The following CLASP1 variants were observed in gnomAD, a reference collection of about 807,000 sequenced individuals.
CLASP1 encodes cytoplasmic linker associated protein 1, also known as CLIP-associating protein 1.
Under a neutral mutation model 192.3 loss-of-function variants are expected in CLASP1, and 38 were observed. The ratio of observed to expected loss-of-function variants is 0.20; its 90% confidence interval spans 0.15 to 0.26. The LOEUF (loss-of-function observed/expected upper bound fraction) is 0.26. Ranked by LOEUF, CLASP1 falls within the 10% of genes least tolerant of loss-of-function variation. The probability of loss-of-function intolerance (pLI) is 1.00; values close to 1 mark genes in which losing one functional copy is unlikely to be tolerated. For missense variants in CLASP1, 1,433 were observed against 1,932.5 expected (o/e 0.74, Z 4.85); for synonymous variants, 691 against 712.8 (o/e 0.97, Z 0.49).
chr2:121,516,129 C>G (rs2094285455), intron 6 of CLASP1, among the ~76,000 whole-genome samples: 1 of 152,082 alleles, frequency 6.6e-6, no homozygotes, highest in Admixed American at 6.5e-5. Flanking sequence ...CCATGTAAAA[C>G]ACTCTGGATT....
chr2:121,533,300 C>T (rs1210506152), intron 2 of CLASP1, among the ~76,000 whole-genome samples: 1 of 152,138 alleles, frequency 6.6e-6, no homozygotes, highest in Non-Finnish European at 1.5e-5. Flanking sequence ...ACAGCTCAGG[C>T]CCTTCTCCTG....
chr2:121,646,361 G>A (rs2073182807), intron 1 of CLASP1, among the ~76,000 whole-genome samples: 1 of 152,086 alleles, frequency 6.6e-6, no homozygotes, highest in Non-Finnish European at 1.5e-5. Context: ...GCCCACCTTG[G>A]CCTCCCAAAA....
intron 23 of CLASP1, among the ~76,000 whole-genome samples, chr2:121,414,148 C>T (rs1384381220): frequency 6.6e-6 from 1 of 152,102 alleles, no homozygotes; most frequent in African/African-American, 2.4e-5. Flanking sequence ...CACCTGACTG[C>T]CCAACAGATT....
chr2:121,611,313 G>A (rs1312293703), intron 1 of CLASP1, among the ~76,000 whole-genome samples: 2 of 136,510 alleles, frequency 1.5e-5, no homozygotes, highest in Non-Finnish European at 1.6e-5. Context: ...AGGAGAAAGA[G>A]GAACTGGAGG....
intron 2 of CLASP1, among the ~76,000 whole-genome samples, chr2:121,581,639 C>A (rs2061182196): frequency 6.6e-6 from 1 of 152,276 alleles, no homozygotes; most frequent in African/African-American, 2.4e-5. Flanking sequence ...AATCCCAACA[C>A]TTTGGAAGGT....
chr2:121,376,963 T>C (rs2070385703), intron 34 of CLASP1, among the ~76,000 whole-genome samples: 2 of 152,206 alleles, frequency 1.3e-5, no homozygotes, highest in Non-Finnish European at 2.9e-5. Flanking sequence ...TTCTACATCA[T>C]AGTGAGTTGT....
intron 19 of CLASP1, among the ~76,000 whole-genome samples, chr2:121,443,477 G>A (rs763469887): frequency 1.3e-5 from 2 of 152,134 alleles, no homozygotes; most frequent in African/African-American, 2.4e-5. Context: ...GAAAACACTC[G>A]GGATTGTTTC....
chr2:121,541,160 A>G (rs1339585330), intron 2 of CLASP1, among the ~76,000 whole-genome samples: 1 of 152,220 alleles, frequency 6.6e-6, no homozygotes, highest in Non-Finnish European at 1.5e-5. Context: ...TCTTTCCAGA[A>G]CATGAGGTCT....
intron 2 of CLASP1, among the ~76,000 whole-genome samples, chr2:121,568,538 G>A (rs1012821296): frequency 1.1e-4 from 16 of 150,614 alleles, no homozygotes; most frequent in African/African-American, 3.9e-4. Context: ...CAAGTAACAC[G>A]CTCACAACTG....
intron 37 of CLASP1, among the ~76,000 whole-genome samples, chr2:121,354,721 T>C (rs1181005460): frequency 6.6e-6 from 1 of 152,064 alleles, no homozygotes; most frequent in Non-Finnish European, 1.5e-5. Context: ...CTGTAGCGTA[T>C]CAAAATTAGA....
chr2:121,446,226 C>T (rs1347302973), intron 19 of CLASP1, among the ~76,000 whole-genome samples: 1 of 152,198 alleles, frequency 6.6e-6, no homozygotes, highest in Non-Finnish European at 1.5e-5. Context: ...ACACTTTCTT[C>T]CACCTTACAG....
chr2:121,640,114 G>A (rs918023221), intron 1 of CLASP1, among the ~76,000 whole-genome samples: 7 of 151,574 alleles, frequency 4.6e-5, no homozygotes, highest in East Asian at 1.9e-4. Context: ...GCAAACTATC[G>A]CAAGGACAAA....
At chr2:121,398,522 T>C in intron 28 of CLASP1, 122 bp from the exon 30 acceptor site, 1 of 654,028 alleles carries the variant, frequency 1.5e-6, no homozygotes, top group Non-Finnish European at 2.6e-6. Context: ...ACATTTTTAA[T>C]AAATAGTGCT....
intron 32 of CLASP1, among the ~76,000 whole-genome samples, chr2:121,386,253 A>G (rs1411100178): frequency 6.6e-6 from 1 of 152,194 alleles, no homozygotes; most frequent in Non-Finnish European, 1.5e-5. Flanking sequence ...TGGTATTTGC[A>G]TTTCATTTTA....
chr2:121,521,811 T>C (rs1312270409), intron 6 of CLASP1, among the ~76,000 whole-genome samples: 11 of 152,192 alleles, frequency 7.2e-5, no homozygotes, highest in Non-Finnish European at 1.5e-4. Flanking sequence ...CTAGGTCAGG[T>C]GTCTAAGTGC....
chr2:121,419,607 A>G (rs2079155960), intron 22 of CLASP1, among the ~76,000 whole-genome samples: 1 of 151,856 alleles, frequency 6.6e-6, no homozygotes, highest in Admixed American at 6.6e-5. Context: ...TCATGTTATA[A>G]AACACCGAGA....
At chr2:121,442,049 A>T (rs2149734412) in intron 19 of CLASP1, among the ~76,000 whole-genome samples, 1 of 152,330 alleles carries the variant, frequency 6.6e-6, no homozygotes, top group East Asian at 1.9e-4. Flanking sequence ...TTCCCCAAAC[A>T]AACAATGGTT....
At chr2:121,495,691 A>C (rs1033558578) in intron 8 of CLASP1, among the ~76,000 whole-genome samples, 3 of 152,222 alleles carry the variant, frequency 2.0e-5, no homozygotes, top group Non-Finnish European at 4.4e-5. Flanking sequence ...TTAAAAAGTA[A>C]ATAAATAATA....
chr2:121,339,543 A>G (rs553561720), exon 40 of CLASP1: 19 of 152,316 alleles, frequency 1.2e-4, no homozygotes, highest in African/African-American at 3.8e-4. Context: ...AATTTATTTA[A>G]CCAGACTCCA....
Sources: gnomAD v4.1 joint callset for allele counts (sites outside exome capture counted in the v4.1 genomes callset) on GRCh38, gnomAD v4.1.1 for gene constraint, MANE v1.5 for transcripts, NCBI Gene and HGNC (gene_info 2026-07-23, HGNC 2026-07-21) for gene names.